The following COL28A1 variants were observed in gnomAD, a reference collection of about 807,000 sequenced individuals.
COL28A1 encodes the protein collagen alpha-1(XXVIII) chain.
A neutral mutation model predicts 150.2 loss-of-function variants in COL28A1; 161 were observed. The observed-to-expected ratio is 1.07, with a 90% CI of 0.94 to 1.22. COL28A1 has a LOEUF of 1.22. COL28A1 is among the 50% of genes most tolerant of loss of function. The pLI, the probability that COL28A1 is intolerant of heterozygous loss-of-function variation, is 0.00. For missense variants in COL28A1, 1,617 were observed against 1,388.3 expected (o/e 1.16, Z -2.62); for synonymous variants, 552 against 469.7 (o/e 1.18, Z -2.26).
upstream of COL28A1, among the ~76,000 whole-genome samples, chr7:7,538,488 TC>T (rs1782721418): frequency 6.6e-6 from 1 of 152,214 alleles, no homozygotes; most frequent in Non-Finnish European, 1.5e-5. Flanking sequence ...TCACTTGAGG[TC>T]TGTGATACAA....
rs1554270137 is a variant in COL28A1, at chr7:7,429,426, T to TCTCTCTCTCACA, written c.1998+3046_1998+3047insTGTGAGAGAGAG. 1.1e-3 allele frequency among the ~76,000 whole-genome samples: 133 copies of TCTCTCTCTCACA among 119,384 alleles called. 1 individual carries two copies. Among genetic ancestry groups the TCTCTCTCTCACA allele is most frequent in the African/African-American group, 3.9e-3 (125 of 32,104 alleles). The allele number at this position is 119,384 out of a possible 152,430, so 78.3% of individuals were successfully genotyped here. On this transcript the variant is annotated intron_variant, in intron 25 of 34. Coordinates refer to ENST00000399429, the MANE Select transcript of COL28A1 (RefSeq NM_001037763.3). Reference sequence around the variant, plus strand: ...ATCTCCCTCTCTCTCTCTCTCTCTCTCACATACACACACACTCTCTTTCTC... The same window carrying TCTCTCTCTCACA: ...ATCTCCCTCTCTCTCTCTCTCTCTCTCTCTCTCTCACACACATACACACACACTCTCTTTCTC...
chr7:7,478,840 C>A (rs1040783993), intron 13 of COL28A1, among the ~76,000 whole-genome samples: 3 of 152,254 alleles, frequency 2.0e-5, no homozygotes, highest in African/African-American at 7.2e-5. Flanking sequence ...GCTCCAAGTG[C>A]GGGGCCCGCC....
intron 9 of COL28A1, 43 bp downstream of exon 9, chr7:7,511,048 A>C (rs1407053160): frequency 1.9e-6 from 3 of 1,559,790 alleles, no homozygotes; most frequent in Non-Finnish European, 1.8e-6. Context: ...ACGCAACCCA[A>C]AAGGGATCAC....
intron 27 of COL28A1, among the ~76,000 whole-genome samples, chr7:7,401,709 A>G (rs923215181): frequency 6.6e-6 from 1 of 151,864 alleles, no homozygotes; most frequent in Non-Finnish European, 1.5e-5. Flanking sequence ...ATACATTTCT[A>G]TCTTACTTAT....
At chr7:7,433,446 C>A (rs1244578208) in intron 23 of COL28A1, among the ~76,000 whole-genome samples, 1 of 151,932 alleles carries the variant, frequency 6.6e-6, no homozygotes, top group Non-Finnish European at 1.5e-5. Flanking sequence ...CCAGCCTGGC[C>A]AACACGGTGA....
chr7:7,419,956 G>A lies in COL28A1; in HGVS notation c.1999-3C>T. 2 of 1,578,422 alleles carry A rather than the reference G, an allele frequency of 1.3e-6. No homozygotes were observed. The highest frequency in any genetic ancestry group is 1.4e-5 in the African/African-American group (1 of 73,052). On this transcript the variant is annotated splice_polypyrimidine_tract_variant and splice_region_variant and intron_variant, in intron 25 of 34. Coordinates refer to ENST00000399429, the MANE Select transcript of COL28A1 (RefSeq NM_001037763.3). Reference sequence around the variant, plus strand: ...GGGCCTCTGACCCCAGGCTCTCCCTGAAAAGACACAACAAATAACAAGTTA... The same window carrying A: ...GGGCCTCTGACCCCAGGCTCTCCCTAAAAAGACACAACAAATAACAAGTTA...
intron 11 of COL28A1, among the ~76,000 whole-genome samples, chr7:7,499,254 T>C (rs1307749496): frequency 6.6e-6 from 1 of 152,196 alleles, no homozygotes; most frequent in Non-Finnish European, 1.5e-5. Flanking sequence ...GGCTTGGCTA[T>C]GAGTCTTCAT....
chr7:7,478,180 C>T (rs1789081094), intron 13 of COL28A1, among the ~76,000 whole-genome samples: 1 of 152,062 alleles, frequency 6.6e-6, no homozygotes, highest in Non-Finnish European at 1.5e-5. Context: ...ATTCACAAAC[C>T]CTGAGCTAGA....
At chr7:7,451,149 T>C (rs1365742348) in intron 18 of COL28A1, among the ~76,000 whole-genome samples, 1 of 152,116 alleles carries the variant, frequency 6.6e-6, no homozygotes, top group East Asian at 1.9e-4. Flanking sequence ...GGTAAAACAT[T>C]AACATTTGAT....
chr7:7,386,801 G>T (rs1296106), intron 27 of COL28A1, among the ~76,000 whole-genome samples: 136,322 of 152,222 alleles, frequency 0.9, 61,161 homozygotes, highest in East Asian at 1. Context: ...CCCACAGGTC[G>T]CAGTCTGTTT....
chr7:7,384,624 T>A (rs1237640186), intron 27 of COL28A1, among the ~76,000 whole-genome samples: 1 of 152,134 alleles, frequency 6.6e-6, no homozygotes, highest in East Asian at 1.9e-4. Flanking sequence ...AGAAAAAACA[T>A]AGCATATTTA....
At position 7,373,437 on chromosome 7, in the gene COL28A1, A is replaced by C; in HGVS notation, c.2469T>G (p.Thr823=). The change falls in exon 32 of 35, where the codon ACT becomes ACG. Residue 823 remains threonine (T), a synonymous_variant. Coordinates refer to ENST00000399429, the MANE Select transcript of COL28A1 (RefSeq NM_001037763.3). This position sits in a 1 kb window ranked among gnomAD's most constrained non-coding sequence, Gnocchi z 4.1. ...GGTCCAGAGCAACCCGGTCAGCCAT[A>C]GTCTTCACAAAATTTTTAATGATCT... The part of the protein sequence containing the change: ...NFQIIKNFVK[T]MADRVALDLA... 6.2e-7 allele frequency: 1 copy of C among 1,614,176 alleles called. No individual in the cohort carries two copies. The highest frequency in any genetic ancestry group is 8.5e-7 in the Non-Finnish European group (1 of 1,180,038).
At chr7:7,427,545 A>T (rs1166596831) in intron 25 of COL28A1, among the ~76,000 whole-genome samples, 1 of 152,196 alleles carries the variant, frequency 6.6e-6, no homozygotes, top group Non-Finnish European at 1.5e-5. Context: ...CTGTTCCACC[A>T]ATGCCTGTTG....
At chr7:7,416,499 T>C (rs911173593) in intron 27 of COL28A1, among the ~76,000 whole-genome samples, 1 of 152,228 alleles carries the variant, frequency 6.6e-6, no homozygotes, top group Non-Finnish European at 1.5e-5. Flanking sequence ...TGGTTTGGCA[T>C]AGGTTTATTC....
the COL28A1 span, among the ~76,000 whole-genome samples, chr7:7,542,077 C>T: frequency 6.6e-6 from 1 of 152,148 alleles, no homozygotes; most frequent in Non-Finnish European, 1.5e-5. Flanking sequence ...GGGCTGGGTG[C>T]GGTGGCTCAC....
intron 27 of COL28A1, among the ~76,000 whole-genome samples, chr7:7,411,004 T>A (rs918040144): frequency 3.2e-4 from 48 of 152,312 alleles, no homozygotes; most frequent in African/African-American, 1.1e-3. Context: ...ACCACAAATC[T>A]AGTCAAGTGG....
At chr7:7,429,534 A>G (rs374685427) in intron 25 of COL28A1, among the ~76,000 whole-genome samples, 11 of 151,808 alleles carry the variant, frequency 7.2e-5, no homozygotes, top group African/African-American at 2.7e-4. Flanking sequence ...TCAGAAAAAA[A>G]GGCCACATAG....
intron 27 of COL28A1, among the ~76,000 whole-genome samples, chr7:7,411,925 A>C (rs542466926): frequency 1.3e-5 from 2 of 152,302 alleles, no homozygotes; most frequent in East Asian, 3.9e-4. Context: ...GGAGACCACC[A>C]TACTTTCTGT....
At chr7:7,391,082 T>A (rs904342970) in intron 27 of COL28A1, among the ~76,000 whole-genome samples, 1 of 152,232 alleles carries the variant, frequency 6.6e-6, no homozygotes, top group Non-Finnish European at 1.5e-5. Context: ...GTGTCGATTT[T>A]AAATCTTTCC....
Sources: allele counts gnomAD v4.1 joint callset (sites outside exome capture counted in the v4.1 genomes callset), GRCh38; gene constraint gnomAD v4.1.1; non-coding constraint Gnocchi (gnomAD v3.1); transcripts MANE v1.5; gene names NCBI Gene and HGNC (gene_info 2026-07-23, HGNC 2026-07-21).